LYPD6B: variants seen among roughly 807,000 people sequenced by gnomAD.
LYPD6B encodes ly6/PLAUR domain-containing protein 6B.
A neutral mutation model predicts 22.8 loss-of-function variants in LYPD6B; 17 were observed. That is an observed-to-expected ratio of 0.75 (90% confidence interval 0.51 to 1.12). The LOEUF is 1.12. Among genes scored for constraint, LYPD6B ranks in the 50% most tolerant of loss-of-function variants. The pLI, the probability that LYPD6B is intolerant of heterozygous loss-of-function variation, is 0.00. For missense variants in LYPD6B, 221 were observed against 258.3 expected (o/e 0.86, Z 0.99); for synonymous variants, 106 against 91.6 (o/e 1.16, Z -0.90).
intron 2 of LYPD6B, among the ~76,000 whole-genome samples, chr2:149,153,712 T>C (rs1689517499): frequency 6.6e-6 from 1 of 151,858 alleles, no homozygotes; most frequent in Non-Finnish European, 1.5e-5. Flanking sequence ...GAGGCGGAGA[T>C]TGCAGTGAGC....
chr2:149,082,630 G>A (rs1685189143), intron 1 of LYPD6B, among the ~76,000 whole-genome samples: 1 of 152,096 alleles, frequency 6.6e-6, no homozygotes, highest in Non-Finnish European at 1.5e-5. Flanking sequence ...GTGATACTAT[G>A]GTAAAGATTA....
At chr2:149,183,448 T>C (rs1691878218) in intron 3 of LYPD6B, among the ~76,000 whole-genome samples, 1 of 152,204 alleles carries the variant, frequency 6.6e-6, no homozygotes, top group South Asian at 2.1e-4. Context: ...GAAAATAATT[T>C]TTTTTTCCTG....
chr2:149,040,290 C>T (rs11681850), intron 1 of LYPD6B, among the ~76,000 whole-genome samples: 46,087 of 149,486 alleles, frequency 0.31, 7,951 homozygotes, highest in East Asian at 0.68. Context: ...GGTGTGATCT[C>T]GGCTCACTGC....
chr2:149,086,068 T>A (rs1379060162), intron 1 of LYPD6B, among the ~76,000 whole-genome samples: 1 of 152,228 alleles, frequency 6.6e-6, no homozygotes, highest in Non-Finnish European at 1.5e-5. Flanking sequence ...AATGCATGGA[T>A]GCACTTTTGA....
chr2:149,097,319 G>T (rs1300568951), intron 1 of LYPD6B, among the ~76,000 whole-genome samples: 1 of 152,206 alleles, frequency 6.6e-6, no homozygotes, highest in African/African-American at 2.4e-5. Flanking sequence ...TGCTTAAATT[G>T]CAGTCTTCCC....
At chr2:149,092,969 G>A (rs1353949160) in intron 1 of LYPD6B, among the ~76,000 whole-genome samples, 2 of 152,150 alleles carry the variant, frequency 1.3e-5, no homozygotes, top group Non-Finnish European at 2.9e-5. Context: ...TTGGGAGGAG[G>A]GAATAGTTGG....
At chr2:149,088,311 G>A (rs1387140040) in intron 1 of LYPD6B, among the ~76,000 whole-genome samples, 1 of 152,130 alleles carries the variant, frequency 6.6e-6, no homozygotes, top group Non-Finnish European at 1.5e-5. Context: ...TGTGATCTGT[G>A]TTTTCAGTGT....
At chr2:149,076,712 A>T (rs971998605) in intron 1 of LYPD6B, among the ~76,000 whole-genome samples, 3 of 152,222 alleles carry the variant, frequency 2.0e-5, no homozygotes, top group African/African-American at 7.2e-5. Flanking sequence ...TTTTAAAAAA[A>T]CTGTTCTGGA....
At chr2:149,181,106 C>T (rs943247041) in intron 3 of LYPD6B, among the ~76,000 whole-genome samples, 8 of 152,094 alleles carry the variant, frequency 5.3e-5, no homozygotes, top group African/African-American at 1.9e-4. Context: ...GTGAGGGACC[C>T]AGAGTACCTA....
chr2:149,144,582 A>C (rs1378714583), intron 2 of LYPD6B, among the ~76,000 whole-genome samples: 1 of 152,010 alleles, frequency 6.6e-6, no homozygotes, highest in Non-Finnish European at 1.5e-5. Flanking sequence ...AGTACAGACA[A>C]GGTTTCACCA....
chr2:149,117,458 A>T lies in LYPD6B; in HGVS notation c.-66-13425A>T, dbSNP rs187757011. On this transcript the variant is annotated intron_variant, in intron 1 of 6. Transcript: ENST00000409642. ...GCTAATTTTTATATTTTTAGTAGAGATGGGGTTTCGCCATGTTAGTCAGGC... is the reference window on the plus strand; with the variant it reads ...GCTAATTTTTATATTTTTAGTAGAGTTGGGGTTTCGCCATGTTAGTCAGGC... Among the ~76,000 whole-genome samples the T allele has an allele frequency of 3.4e-3, 521 of 152,094 alleles. 4 individuals carry two copies. The highest frequency in any genetic ancestry group is 0.012 in the African/African-American group (494 of 41,474).
At chr2:149,186,217 A>T (rs973481940) in intron 3 of LYPD6B, among the ~76,000 whole-genome samples, 2 of 152,250 alleles carry the variant, frequency 1.3e-5, no homozygotes, top group Non-Finnish European at 2.9e-5. Flanking sequence ...ACAAGGGAGA[A>T]GTTCTTGAAG....
chr2:149,093,677 C>T (rs1042123648), intron 1 of LYPD6B, among the ~76,000 whole-genome samples: 6 of 152,190 alleles, frequency 3.9e-5, no homozygotes, highest in Admixed American at 1.3e-4. Context: ...GTCTTCATTA[C>T]CTGTGATCGT....
intron 1 of LYPD6B, among the ~76,000 whole-genome samples, chr2:149,073,373 C>T (rs1684733968): frequency 6.6e-6 from 1 of 152,156 alleles, no homozygotes; most frequent in African/African-American, 2.4e-5. Context: ...TGAATGACAC[C>T]CTTGTTTCCA....
intron 1 of LYPD6B, among the ~76,000 whole-genome samples, chr2:149,101,958 C>G (rs1433132500): frequency 6.6e-6 from 1 of 152,094 alleles, no homozygotes. Context: ...GTAAAGTACC[C>G]CTTTGTTAAA....
intron 2 of LYPD6B, among the ~76,000 whole-genome samples, chr2:149,140,159 G>T (rs1371401258): frequency 6.6e-6 from 1 of 152,182 alleles, no homozygotes; most frequent in Admixed American, 6.5e-5. Context: ...TGGACAGATT[G>T]TTCTATATTT....
intron 3 of LYPD6B, among the ~76,000 whole-genome samples, chr2:149,186,543 G>C (rs917244476): frequency 3.9e-5 from 6 of 152,334 alleles, no homozygotes; most frequent in Admixed American, 2.0e-4. Flanking sequence ...TGCAGCAAGT[G>C]ATCCAGAAGA....
intron 2 of LYPD6B, among the ~76,000 whole-genome samples, chr2:149,147,688 A>G (rs1689112655): frequency 6.6e-6 from 1 of 151,788 alleles, no homozygotes; most frequent in African/African-American, 2.4e-5. Context: ...TAATTTTTGT[A>G]TTTTTAGTAG....
At chr2:149,212,557 G>A (rs1055367653) in intron 5 of LYPD6B, among the ~76,000 whole-genome samples, 2 of 151,960 alleles carry the variant, frequency 1.3e-5, no homozygotes, top group African/African-American at 4.8e-5. Flanking sequence ...GATGAGTAAT[G>A]AAACAACTGT....
Sources: allele counts gnomAD v4.1 joint callset (sites outside exome capture counted in the v4.1 genomes callset), GRCh38; gene constraint gnomAD v4.1.1; transcripts MANE v1.5; gene names NCBI Gene and HGNC (gene_info 2026-07-23, HGNC 2026-07-21).